WNT9B: variants seen among roughly 807,000 people sequenced by gnomAD.
WNT9B encodes protein Wnt-9b.
A neutral mutation model predicts 30.2 loss-of-function variants in WNT9B; 12 were observed. That is an observed-to-expected ratio of 0.40 (90% CI 0.26 to 0.64). The LOEUF (loss-of-function observed/expected upper bound fraction) is 0.64. Among genes scored for constraint, WNT9B ranks in the 30% least tolerant of loss-of-function variants. The pLI, the probability that WNT9B is intolerant of heterozygous loss-of-function variation, is 0.42. For missense variants in WNT9B, 442 were observed against 485.2 expected (o/e 0.91, Z 0.84); for synonymous variants, 218 against 216.9 (o/e 1.01, Z -0.05).
At chr17:46,870,123 T>C (rs187518823) in intron 1 of WNT9B, among the ~76,000 whole-genome samples, 6 of 152,340 alleles carry the variant, frequency 3.9e-5, no homozygotes, top group African/African-American at 9.6e-5. Context: ...TGCAGCTTCA[T>C]TGGCCAAAAT....
At chr17:46,844,423 C>G (rs762322117) in intron 1 of WNT9B, among the ~76,000 whole-genome samples, 2 of 151,512 alleles carry the variant, frequency 1.3e-5, no homozygotes, top group Non-Finnish European at 2.9e-5. Context: ...CACTGCAGTC[C>G]TACCATGAGT....
At chr17:46,863,391 G>A (rs1386261566) in intron 1 of WNT9B, among the ~76,000 whole-genome samples, 3 of 152,230 alleles carry the variant, frequency 2.0e-5, no homozygotes, top group Non-Finnish European at 4.4e-5. Context: ...GACTGGGAAA[G>A]AATGGATCTC....
exon 5 of WNT9B, chr17:46,885,937 C>T (rs1020254630): frequency 2.0e-5 from 3 of 152,268 alleles, no homozygotes; most frequent in Non-Finnish European, 4.4e-5. Context: ...GTGCAGAAGC[C>T]TGAACCTGGA....
chr17:46,847,967 A>AGT (rs57125736), upstream of WNT9B, among the ~76,000 whole-genome samples: 4,568 of 149,218 alleles, frequency 0.031, 85 homozygotes, highest in Non-Finnish European at 0.037. Context: ...TGATTTCCAA[A>AGT]GTGTGTGTGT....
upstream of WNT9B, among the ~76,000 whole-genome samples, chr17:46,849,860 TG>T (rs202194575): frequency 3.8e-4 from 57 of 150,868 alleles, 1 homozygote; most frequent in East Asian, 9.8e-4. Context: ...TTTTTTTTTT[TG>T]TTTTGAGATG....
chr17:46,870,902 T>G lies in WNT9B; in HGVS notation c.78-1615T>G, dbSNP rs1475312187. On this transcript the variant is annotated intron_variant, in intron 1 of 3. Coordinates refer to ENST00000290015, the MANE Select transcript of WNT9B (RefSeq NM_003396.3). Reference sequence around the variant, plus strand: ...AAGAGACATTGCCTGCTTCCACCTTTGCTTTTTTTTTTTTTTTTTTTTTTT... The same window carrying G: ...AAGAGACATTGCCTGCTTCCACCTTGGCTTTTTTTTTTTTTTTTTTTTTTT... Among the ~76,000 whole-genome samples the G allele has an allele frequency of 4.2e-5, 6 of 144,514 alleles. No homozygotes were observed. The East Asian group carries it at 1.3e-3, about 32-fold the overall frequency. 94.8% of individuals were successfully genotyped at this position (144,514 alleles called of 152,430 possible).
At chr17:46,860,405 G>A (rs537764965) in intron 1 of WNT9B, among the ~76,000 whole-genome samples, 5 of 152,250 alleles carry the variant, frequency 3.3e-5, no homozygotes, top group African/African-American at 1.2e-4. Context: ...GAGCAGGATC[G>A]GACATGGCCC....
At chr17:46,875,080 G>A in intron 2 of WNT9B, 21 bp from the exon 3 acceptor site, 2 of 1,613,320 alleles carry the variant, frequency 1.2e-6, no homozygotes, top group Non-Finnish European at 1.7e-6. Context: ...CCCTCCCTAT[G>A]CCCCTGGGTG....
chr17:46,851,406 G>A (rs1308179961), upstream of WNT9B, among the ~76,000 whole-genome samples: 1 of 151,342 alleles, frequency 6.6e-6, no homozygotes, highest in Admixed American at 6.6e-5. This position sits in a 1 kb window ranked among gnomAD's most constrained non-coding sequence, Gnocchi z 4.3. Flanking sequence ...ATGGGGGAGG[G>A]GCGGGGGCGG....
intron 3 of WNT9B, among the ~76,000 whole-genome samples, chr17:46,876,000 G>C (rs550840863): frequency 6.6e-6 from 1 of 151,668 alleles, no homozygotes; most frequent in African/African-American, 2.4e-5. Flanking sequence ...TTCAGTCACT[G>C]AGTTGGTGTG....
chr17:46,876,526 C>T lies in WNT9B; in HGVS notation c.882C>T (p.Ser294=), dbSNP rs780446338. The T allele has an allele frequency of 1.2e-6, 2 of 1,613,662 alleles. No homozygotes were observed. The highest frequency in any genetic ancestry group is 4.5e-5 in the East Asian group (2 of 44,884). Residue 294 remains serine (S), a synonymous_variant, in exon 4 of 4, where the codon AGC becomes AGT. Coordinates refer to ENST00000290015, the MANE Select transcript of WNT9B (RefSeq NM_003396.3). ...ACTCACCCAGCTTCTGCCGGCCCAG[C>T]AAGTACTCACCTGGCACAGCAGGTA... ...MEDSPSFCRP[S]KYSPGTAGRV...
At chr17:46,884,154 C>T (rs1009557324), downstream of WNT9B, among the ~76,000 whole-genome samples, 2 of 152,182 alleles carry the variant, frequency 1.3e-5, no homozygotes, top group Non-Finnish European at 2.9e-5. Flanking sequence ...CCCGGGACCC[C>T]CACCTCTTCC....
upstream of WNT9B, among the ~76,000 whole-genome samples, chr17:46,850,549 CTT>C (rs1362195162): frequency 1.3e-5 from 2 of 152,288 alleles, no homozygotes; most frequent in South Asian, 2.1e-4. Flanking sequence ...TTTTTGGAAA[CTT>C]TACATGCAGA....
At chr17:46,849,510 T>C (rs186478932), upstream of WNT9B, among the ~76,000 whole-genome samples, 510 of 152,294 alleles carry the variant, frequency 3.3e-3, 2 homozygotes, top group African/African-American at 0.011. Flanking sequence ...CTTCCTTCTC[T>C]CTGACTCACA....
At position 46,877,599 on chromosome 17, in the gene WNT9B, G is replaced by C. The variant is rs1161977238; in HGVS notation, c.*881G>C. Among the ~76,000 whole-genome samples the C allele has an allele frequency of 2.0e-5, 3 of 152,136 alleles. No individual in the cohort carries two copies. The highest frequency in any genetic ancestry group is 4.4e-5 in the Non-Finnish European group (3 of 68,016). On this transcript the variant is annotated 3_prime_UTR_variant, in exon 4 of 4. Transcript: ENST00000290015. ...AGGAATCTTCACTCCCAGCGCAGAG[G>C]AGGAGGGCAACAGCTTCCTGGTGCC...
At chr17:46,848,319 C>T (rs781595009), upstream of WNT9B, among the ~76,000 whole-genome samples, 9 of 152,142 alleles carry the variant, frequency 5.9e-5, no homozygotes, top group Non-Finnish European at 1.2e-4. Flanking sequence ...ATGTTTACTG[C>T]CATAAAAAGG....
chr17:46,841,662 G>A (rs920280114), intron 1 of WNT9B, among the ~76,000 whole-genome samples: 1 of 152,238 alleles, frequency 6.6e-6, no homozygotes, highest in Non-Finnish European at 1.5e-5. Context: ...GGGGCGGGTA[G>A]GGGCTGGCCG....
At chr17:46,856,921 C>G (rs1457319688) in intron 1 of WNT9B, among the ~76,000 whole-genome samples, 1 of 152,188 alleles carries the variant, frequency 6.6e-6, no homozygotes. Flanking sequence ...GCAATCAACC[C>G]TCTCCCACCA....
chr17:46,835,827 C>T (rs2084621920), intron 1 of WNT9B, among the ~76,000 whole-genome samples: 1 of 152,222 alleles, frequency 6.6e-6, no homozygotes, highest in African/African-American at 2.4e-5. Context: ...CTTCACTCCC[C>T]ACCTCTGCAC....
Sources: gnomAD v4.1 joint callset for allele counts (sites outside exome capture counted in the v4.1 genomes callset) on GRCh38, gnomAD v4.1.1 for gene constraint, Gnocchi (gnomAD v3.1) non-coding constraint, MANE v1.5 for transcripts, NCBI Gene and HGNC (gene_info 2026-07-23, HGNC 2026-07-21) for gene names.